Variants in PTP4A1 observed in about 807,000 individuals in gnomAD.
PTP4A1 encodes the protein protein tyrosine phosphatase 4A1.
Under a neutral mutation model 20.5 loss-of-function variants are expected in PTP4A1, and 9 were observed. The observed-to-expected ratio is 0.44, with a 90% CI of 0.26 to 0.77. PTP4A1 has a LOEUF of 0.77. Ranked by LOEUF, PTP4A1 falls within the 30% of genes least tolerant of loss-of-function variation. The pLI is 0.19. For synonymous variants in PTP4A1, 78 were observed against 67.4 expected, an observed-to-expected ratio of 1.16 and a Z score of -0.77; for missense variants, 137 against 218.8, an observed-to-expected ratio of 0.63 and a Z score of 2.36.
intron 3 of PTP4A1, among the ~76,000 whole-genome samples, chr6:63,559,749 GA>G (rs1248859051): frequency 6.6e-6 from 1 of 150,462 alleles, no homozygotes; most frequent in Admixed American, 6.6e-5. Flanking sequence ...TGTCTCAAAA[GA>G]GGAAAAAAAA....
rs187028127 is a variant in PTP4A1, at chr6:63,536,324, C to T, written c.-640+8240C>T. ...CAGCCTGAGCAACAAGAGCTAGATT[C>T]TGTCTCAAAAAAAAAGGAAAAGGAA... On this transcript the variant is annotated intron_variant, in intron 2 of 3. Transcript: ENST00000639568. Among the ~76,000 whole-genome samples the T allele has an allele frequency of 2.0e-3, 303 of 152,054 alleles. 2 individuals carry two copies. The highest frequency in any genetic ancestry group is 7.0e-3 in the African/African-American group (290 of 41,530).
At chr6:63,561,280 A>C (rs1022446103) in intron 3 of PTP4A1, among the ~76,000 whole-genome samples, 1 of 152,188 alleles carries the variant, frequency 6.6e-6, no homozygotes, top group East Asian at 1.9e-4. Context: ...TTATAATGGG[A>C]GTAATATCAA....
Position 63,553,338 on chromosome 6 carries a change from A to G in PTP4A1, c.-446+2845A>G, listed in dbSNP as rs141371849. Among the ~76,000 whole-genome samples, 35 of 152,318 alleles carry G rather than the reference A, an allele frequency of 2.3e-4. 1 individual carries two copies. In the East Asian group the frequency reaches 6.4e-3, roughly 28 times the overall value. Reference sequence around the variant, plus strand: ...GATGCTGTTAGCGACTCGGGTTCAGATAGAATCTCCTGTGGTCACTGAATG... The same window carrying G: ...GATGCTGTTAGCGACTCGGGTTCAGGTAGAATCTCCTGTGGTCACTGAATG... On this transcript the variant is annotated intron_variant, in intron 3 of 3. Coordinates refer to the PTP4A1 transcript ENST00000639568.
At chr6:63,564,242 C>T (rs1223051780) in intron 3 of PTP4A1, among the ~76,000 whole-genome samples, 1 of 150,528 alleles carries the variant, frequency 6.6e-6, no homozygotes, top group Non-Finnish European at 1.5e-5. Flanking sequence ...CACCATTGCA[C>T]TCCAGCCTGG....
chr6:63,556,637 G>T (rs1231577335), intron 3 of PTP4A1, among the ~76,000 whole-genome samples: 1 of 152,188 alleles, frequency 6.6e-6, no homozygotes, highest in Non-Finnish European at 1.5e-5. Flanking sequence ...CAAAGGCTTT[G>T]CCAAAAAGAT....
At position 63,574,564 on chromosome 6, in the gene PTP4A1, C is replaced by T. The variant is rs1777726911; in HGVS notation, c.-446+1845C>T. On this transcript the variant is annotated intron_variant, in intron 1 of 5. Transcript: ENST00000626021. ...CTTAATATAGTTCTTTCTCTGCTTCCTGATGAAAGTGCTTACTTACATGAA... is the reference window on the plus strand; with the variant it reads ...CTTAATATAGTTCTTTCTCTGCTTCTTGATGAAAGTGCTTACTTACATGAA... Among the ~76,000 whole-genome samples the T allele has an allele frequency of 3.3e-5, 5 of 152,256 alleles. No homozygotes were observed. The South Asian group carries it at 1.0e-3, about 32-fold the overall frequency.
At chr6:63,539,285 A>G (rs1449248820) in intron 2 of PTP4A1, among the ~76,000 whole-genome samples, 1 of 152,198 alleles carries the variant, frequency 6.6e-6, no homozygotes, top group Non-Finnish European at 1.5e-5. Context: ...AGAGATAAAG[A>G]GTAATTCAAT....
chr6:63,559,431 A>G (rs1012919554), intron 3 of PTP4A1, among the ~76,000 whole-genome samples: 2 of 152,146 alleles, frequency 1.3e-5, no homozygotes, highest in Non-Finnish European at 2.9e-5. Flanking sequence ...AAACGCAGCA[A>G]AAAAAATCAT....
intron 2 of PTP4A1, among the ~76,000 whole-genome samples, chr6:63,530,275 T>C (rs1251091304): frequency 6.6e-6 from 1 of 152,130 alleles, no homozygotes; most frequent in East Asian, 1.9e-4. Context: ...AAGGCATAGA[T>C]GTAACCTTGT....
upstream of PTP4A1, among the ~76,000 whole-genome samples, chr6:63,567,932 G>T (rs1234936198): frequency 1.3e-5 from 2 of 152,154 alleles, no homozygotes; most frequent in African/African-American, 4.8e-5. Flanking sequence ...TAAACCTCAT[G>T]AATCCACCTC....
chr6:63,533,210 G>C (rs1241702275), intron 2 of PTP4A1, among the ~76,000 whole-genome samples: 1 of 152,038 alleles, frequency 6.6e-6, no homozygotes, highest in Admixed American at 6.6e-5. Context: ...GGTTAAACCT[G>C]GTATCTACTA....
chr6:63,540,040 A>T (rs1775890560), intron 2 of PTP4A1, among the ~76,000 whole-genome samples: 1 of 152,128 alleles, frequency 6.6e-6, no homozygotes, highest in Non-Finnish European at 1.5e-5. Context: ...GACAATCTAG[A>T]GTTTCTTGGT....
At chr6:63,542,022 GGTGTGTGT>G (rs72091849) in intron 2 of PTP4A1, among the ~76,000 whole-genome samples, 15,036 of 146,776 alleles carry the variant, frequency 0.1, 780 homozygotes, top group East Asian at 0.16. Context: ...AAGAAACTGT[GGTGTGTGT>G]GTGTGTGTGT....
chr6:63,547,711 CCA>C (rs1394684911), intron 2 of PTP4A1, among the ~76,000 whole-genome samples: 3 of 149,692 alleles, frequency 2.0e-5, no homozygotes, highest in African/African-American at 7.4e-5. Context: ...CGGGGTTTCA[CCA>C]TGTTAGCCAG....
chr6:63,542,240 G>A (rs1249159071), intron 2 of PTP4A1, among the ~76,000 whole-genome samples: 1 of 152,084 alleles, frequency 6.6e-6, no homozygotes, highest in Non-Finnish European at 1.5e-5. Flanking sequence ...CAAAGGCATA[G>A]GAATGACACA....
chr6:63,524,602 T>C (rs1775081851), intron 1 of PTP4A1, among the ~76,000 whole-genome samples: 1 of 152,106 alleles, frequency 6.6e-6, no homozygotes. Context: ...AATGTAAAAA[T>C]AAAATTATCC....
chr6:63,526,429 T>A (rs1581908254), intron 1 of PTP4A1, among the ~76,000 whole-genome samples: 1 of 152,150 alleles, frequency 6.6e-6, no homozygotes, highest in South Asian at 2.1e-4. Flanking sequence ...TCTTACATAA[T>A]CTTTCCCAGA....
intron 5 of PTP4A1, 90 bp downstream of exon 5, chr6:63,579,421 A>G (rs1561915965): frequency 1.1e-6 from 1 of 894,080 alleles, no homozygotes; most frequent in Non-Finnish European, 1.6e-6. Flanking sequence ...CCATTTAATC[A>G]TTATGATTAT....
At chr6:63,535,832 T>C (rs1775695858) in intron 2 of PTP4A1, among the ~76,000 whole-genome samples, 1 of 152,174 alleles carries the variant, frequency 6.6e-6, no homozygotes, top group Non-Finnish European at 1.5e-5. Context: ...TCCAGCACTT[T>C]TTTATTTTTT....
Sources: gnomAD v4.1 joint callset for allele counts (sites outside exome capture counted in the v4.1 genomes callset) on GRCh38, gnomAD v4.1.1 for gene constraint, MANE v1.5 for transcripts, NCBI Gene and HGNC (gene_info 2026-07-23, HGNC 2026-07-21) for gene names.